RMST: variants seen among roughly 807,000 people sequenced by gnomAD.
RMST encodes long intergenic non-protein coding RNA 54.
At chr12:97,488,213 G>T (rs1176085115) in intron 5 of RMST, among the ~76,000 whole-genome samples, 1 of 152,118 alleles carries the variant, frequency 6.6e-6, no homozygotes, top group Admixed American at 6.6e-5. Flanking sequence ...GCGAAACCCT[G>T]TCTCTACTAA....
intron 5 of RMST, among the ~76,000 whole-genome samples, chr12:97,479,132 G>GTTT (rs1874908302): frequency 7.3e-5 from 5 of 68,718 alleles, no homozygotes; most frequent in East Asian, 3.3e-4. Context: ...CCTTGTCTTT[G>GTTT]CTTTTTTTTT....
chr12:97,511,424 C>T (rs1028969002), intron 10 of RMST, among the ~76,000 whole-genome samples: 5 of 152,222 alleles, frequency 3.3e-5, no homozygotes, highest in Non-Finnish European at 7.3e-5. Flanking sequence ...GCATGAGCCA[C>T]TGTGGCCTGT....
intron 11 of RMST, chr12:97,533,667 T>C (rs1239530886): frequency 6.6e-6 from 1 of 151,882 alleles, no homozygotes; most frequent in African/African-American, 2.4e-5. Flanking sequence ...TCTAAGTCAG[T>C]GAATATTTTT....
intron 10 of RMST, among the ~76,000 whole-genome samples, chr12:97,521,659 T>C (rs1011463881): frequency 9.2e-5 from 14 of 152,158 alleles, no homozygotes; most frequent in African/African-American, 3.4e-4. Flanking sequence ...GAGATTTTCA[T>C]CACTATTTTT....
intron 5 of RMST, among the ~76,000 whole-genome samples, chr12:97,475,147 A>G (rs1437851849): frequency 6.6e-6 from 1 of 152,138 alleles, no homozygotes; most frequent in African/African-American, 2.4e-5. Context: ...CTTGTCAGTA[A>G]TCAGTGAGTT....
At chr12:97,557,976 T>C (rs1310109630) in intron 11 of RMST, among the ~76,000 whole-genome samples, 2 of 147,916 alleles carry the variant, frequency 1.4e-5, no homozygotes, top group Non-Finnish European at 2.9e-5. Flanking sequence ...AGGGAGATTG[T>C]ATAAAAAAAT....
chr12:97,488,000 C>T (rs1206724554), intron 5 of RMST, among the ~76,000 whole-genome samples: 1 of 152,230 alleles, frequency 6.6e-6, no homozygotes, highest in African/African-American at 2.4e-5. Flanking sequence ...CTGCTGCTCA[C>T]TCTGTGAGAC....
chr12:97,499,897 G>A (rs1293536422), intron 10 of RMST, among the ~76,000 whole-genome samples: 1 of 152,028 alleles, frequency 6.6e-6, no homozygotes, highest in African/African-American at 2.4e-5. Flanking sequence ...GACCTCGGGC[G>A]ATCTGCCTGC....
chr12:97,515,036 C>A (rs963990761), intron 10 of RMST, among the ~76,000 whole-genome samples: 5 of 152,086 alleles, frequency 3.3e-5, no homozygotes, highest in African/African-American at 1.2e-4. Flanking sequence ...CTTACCTAAG[C>A]ATACTGCGTG....
At chr12:97,502,627 A>C (rs76957220) in intron 10 of RMST, among the ~76,000 whole-genome samples, 4 of 151,762 alleles carry the variant, frequency 2.6e-5, no homozygotes, top group East Asian at 1.9e-4. Context: ...TGCCTGCCTA[A>C]TTTTTTCTTT....
At chr12:97,543,515 A>T (rs1277592958) in intron 11 of RMST, among the ~76,000 whole-genome samples, 3 of 152,040 alleles carry the variant, frequency 2.0e-5, no homozygotes, top group Admixed American at 1.3e-4. Context: ...AATCACTGGG[A>T]TAATGAAATC....
chr12:97,490,466 G>A (rs574141818), intron 5 of RMST, among the ~76,000 whole-genome samples: 12 of 152,260 alleles, frequency 7.9e-5, no homozygotes, highest in East Asian at 7.7e-4. Flanking sequence ...TGGGCTAATA[G>A]CATCTATCTT....
At chr12:97,533,769 G>A (rs1881863446) in intron 11 of RMST, 1 of 151,910 alleles carries the variant, frequency 6.6e-6, no homozygotes, top group Non-Finnish European at 1.5e-5. Flanking sequence ...CCTTCCATAT[G>A]TAATTTATTT....
At chr12:97,523,364 T>C (rs1194548765) in intron 10 of RMST, among the ~76,000 whole-genome samples, 2 of 152,152 alleles carry the variant, frequency 1.3e-5, no homozygotes, top group African/African-American at 4.8e-5. Flanking sequence ...TAGGGAGAGA[T>C]TAGTCAAGGG....
chr12:97,522,524 A>G (rs1378962266), intron 10 of RMST, among the ~76,000 whole-genome samples: 1 of 152,126 alleles, frequency 6.6e-6, no homozygotes, highest in Non-Finnish European at 1.5e-5. Flanking sequence ...TCACTTCTTG[A>G]CCATCTCCTA....
intron 11 of RMST, among the ~76,000 whole-genome samples, chr12:97,539,242 T>G (rs918155134): frequency 3.3e-5 from 5 of 151,584 alleles, no homozygotes; most frequent in Non-Finnish European, 7.4e-5. Flanking sequence ...GTGCTTAATG[T>G]AAAATTCCTT....
At chr12:97,502,525 A>G (rs1878192845) in intron 10 of RMST, among the ~76,000 whole-genome samples, 1 of 152,188 alleles carries the variant, frequency 6.6e-6, no homozygotes, top group African/African-American at 2.4e-5. Context: ...CAATGGTGCA[A>G]TCACAGCTCA....
chr12:97,485,360 G>A (rs1406429432), intron 5 of RMST, among the ~76,000 whole-genome samples: 1 of 152,068 alleles, frequency 6.6e-6, no homozygotes, highest in Non-Finnish European at 1.5e-5. Context: ...GTATTTTACT[G>A]CATTTCCACT....
chr12:97,543,432 T>A (rs1357090607), intron 11 of RMST, among the ~76,000 whole-genome samples: 1 of 152,014 alleles, frequency 6.6e-6, no homozygotes, highest in Admixed American at 6.6e-5. Context: ...GACTGGCGAT[T>A]TTTCTGCCCT....
Sources: gnomAD v4.1 joint callset for allele counts (sites outside exome capture counted in the v4.1 genomes callset) on GRCh38, gnomAD v4.1.1 for gene constraint, MANE v1.5 for transcripts, NCBI Gene and HGNC (gene_info 2026-07-23, HGNC 2026-07-21) for gene names.